OSBPL10: variants seen among roughly 807,000 people sequenced by gnomAD.
The protein encoded by OSBPL10 is oxysterol-binding protein-related protein 10.
Under a neutral mutation model 81.7 loss-of-function variants are expected in OSBPL10, and 49 were observed. The ratio of observed to expected loss-of-function variants is 0.60; its 90% confidence interval spans 0.48 to 0.76. OSBPL10 has a LOEUF of 0.76. Ranked by LOEUF, OSBPL10 falls within the 30% of genes least tolerant of loss-of-function variation. The probability of loss-of-function intolerance (pLI) is 0.00; values close to 1 mark genes in which losing one functional copy is unlikely to be tolerated. For synonymous variants in OSBPL10, 419 were observed against 383.6 expected (o/e 1.09, Z -1.08); for missense variants, 923 against 987.8 (o/e 0.93, Z 0.88).
intron 3 of OSBPL10, among the ~76,000 whole-genome samples, chr3:31,845,639 A>ATTT (rs1700610625): frequency 6.6e-6 from 1 of 152,166 alleles, no homozygotes; most frequent in African/African-American, 2.4e-5. Flanking sequence ...GTCAGACTTC[A>ATTT]CCAAGAGGAA....
intron 1 of OSBPL10, among the ~76,000 whole-genome samples, chr3:31,903,684 T>C (rs1696320599): frequency 6.6e-6 from 1 of 151,720 alleles, no homozygotes; most frequent in Admixed American, 6.6e-5. Context: ...CTCATCAGAG[T>C]CAAACAGCCA....
chr3:31,938,541 C>T (rs6550088), intron 1 of OSBPL10, among the ~76,000 whole-genome samples: 1 of 151,938 alleles, frequency 6.6e-6, no homozygotes, highest in Non-Finnish European at 1.5e-5. Context: ...ATAGAGCCCA[C>T]TTTGTCGCCC....
At chr3:31,701,060 A>G (rs1173329980) in intron 7 of OSBPL10, among the ~76,000 whole-genome samples, 1 of 152,194 alleles carries the variant, frequency 6.6e-6, no homozygotes, top group Non-Finnish European at 1.5e-5. Context: ...AAAACACTTC[A>G]AAGAAAAGAT....
At chr3:31,766,538 T>G (rs1469211780) in intron 4 of OSBPL10, among the ~76,000 whole-genome samples, 1 of 151,744 alleles carries the variant, frequency 6.6e-6, no homozygotes, top group East Asian at 1.9e-4. Context: ...TGGGGTCTCA[T>G]TATGTTGCCC....
intron 4 of OSBPL10, among the ~76,000 whole-genome samples, chr3:31,810,778 G>A (rs7611453): frequency 0.022 from 3,300 of 152,178 alleles, 118 homozygotes; most frequent in African/African-American, 0.076. Flanking sequence ...AAGGTTTGAC[G>A]GCACAGTGAG....
chr3:31,719,963 G>C (rs562649478), intron 6 of OSBPL10, among the ~76,000 whole-genome samples: 2 of 151,232 alleles, frequency 1.3e-5, no homozygotes, highest in African/African-American at 2.4e-5. Context: ...AGATACCTAA[G>C]ATATATTGTC....
intron 7 of OSBPL10, among the ~76,000 whole-genome samples, chr3:31,693,484 T>C (rs1189413520): frequency 6.6e-6 from 1 of 152,226 alleles, no homozygotes; most frequent in Non-Finnish European, 1.5e-5. Flanking sequence ...GAATGTTATA[T>C]ATCCATTAAA....
At chr3:31,824,966 T>C (rs770698979) in intron 4 of OSBPL10, among the ~76,000 whole-genome samples, 3 of 152,174 alleles carry the variant, frequency 2.0e-5, no homozygotes, top group Non-Finnish European at 4.4e-5. Context: ...CAGAAAGTTC[T>C]GCTGAGCAAT....
chr3:31,853,258 G>T (rs1207305542), intron 3 of OSBPL10, among the ~76,000 whole-genome samples: 1 of 152,116 alleles, frequency 6.6e-6, no homozygotes, highest in African/African-American at 2.4e-5. Flanking sequence ...GATTGTGAAG[G>T]CAGGTGCCAA....
intron 1 of OSBPL10, among the ~76,000 whole-genome samples, chr3:31,954,524 G>C (rs1697955194): frequency 6.6e-6 from 1 of 152,186 alleles, no homozygotes; most frequent in South Asian, 2.1e-4. Context: ...GACACAGTAA[G>C]TATATATTGT....
At position 31,957,317 on chromosome 3, in the gene OSBPL10, G is replaced by A. The variant is rs184079711; in HGVS notation, c.281+23582C>T. On this transcript the variant is annotated intron_variant, in intron 1 of 11. Coordinates refer to ENST00000396556, the MANE Select transcript of OSBPL10 (RefSeq NM_017784.5). ...GTCATTACCCACAACCTTTGACTCA[G>A]TTACGATAAATCCATCTCCCCTGAG... is the stretch of plus-strand genomic sequence containing the variant. Among the ~76,000 whole-genome samples the A allele has an allele frequency of 1.4e-3, 214 of 152,134 alleles. 1 individual carries two copies. The highest frequency in any genetic ancestry group is 4.9e-3 in the African/African-American group (204 of 41,520).
chr3:31,773,800 C>T (rs1160435944), intron 4 of OSBPL10, among the ~76,000 whole-genome samples: 2 of 152,246 alleles, frequency 1.3e-5, no homozygotes, highest in African/African-American at 4.8e-5. Context: ...GCAGTGCACA[C>T]TGCCTGGCAT....
intron 7 of OSBPL10, chr3:31,701,945 C>CG: frequency 6.1e-6 from 1 of 164,880 alleles, no homozygotes; most frequent in South Asian, 1.8e-4. Flanking sequence ...TGGCGTCATT[C>CG]CTGGTGCCAC....
At chr3:31,798,265 A>G (rs1182251146) in intron 4 of OSBPL10, among the ~76,000 whole-genome samples, 1 of 152,126 alleles carries the variant, frequency 6.6e-6, no homozygotes, top group African/African-American at 2.4e-5. Flanking sequence ...CCCCGTCTCT[A>G]GTAAAAACAT....
rs575987438 is a variant in OSBPL10, at chr3:31,671,616, C to T, written c.1727-633G>A. ...AGAAATCAGGCTGTACAGCTGCTGTCAGCAACCTTAGGAAAGACATCTGCC... is the reference window on the plus strand; with the variant it reads ...AGAAATCAGGCTGTACAGCTGCTGTTAGCAACCTTAGGAAAGACATCTGCC... On this transcript the variant is annotated intron_variant, in intron 8 of 11. Transcript: ENST00000396556. Among the ~76,000 whole-genome samples, 7 of 152,296 alleles carry T rather than the reference C, an allele frequency of 4.6e-5. No individual in the cohort carries two copies. In the East Asian group the frequency reaches 1.3e-3, roughly 29 times the overall value.
At chr3:31,665,932 G>T (rs1197687509) in intron 10 of OSBPL10, among the ~76,000 whole-genome samples, 2 of 152,184 alleles carry the variant, frequency 1.3e-5, no homozygotes, top group Admixed American at 1.3e-4. Flanking sequence ...ACAGGGTGAT[G>T]GGACCAGAAC....
chr3:31,731,397 T>C (rs530073245), intron 6 of OSBPL10, among the ~76,000 whole-genome samples: 1 of 152,156 alleles, frequency 6.6e-6, no homozygotes, highest in African/African-American at 2.4e-5. Flanking sequence ...AATTAATGAC[T>C]GTCTCTACTT....
intron 4 of OSBPL10, among the ~76,000 whole-genome samples, chr3:31,802,347 C>A (rs1425810835): frequency 6.6e-6 from 1 of 150,904 alleles, no homozygotes; most frequent in Non-Finnish European, 1.5e-5. Context: ...CATCTGAGGT[C>A]AGGAGTTCAA....
At chr3:31,854,276 C>T (rs879576864) in intron 3 of OSBPL10, among the ~76,000 whole-genome samples, 17 of 151,956 alleles carry the variant, frequency 1.1e-4, no homozygotes, top group African/African-American at 1.9e-4. Context: ...TCCTTTTAAA[C>T]GTCATCTTCC....
Sources: allele counts gnomAD v4.1 joint callset (sites outside exome capture counted in the v4.1 genomes callset), GRCh38; gene constraint gnomAD v4.1.1; transcripts MANE v1.5; gene names NCBI Gene and HGNC (gene_info 2026-07-23, HGNC 2026-07-21).